The following PARG variants were observed in gnomAD, a reference collection of about 807,000 sequenced individuals.
PARG encodes the protein poly(ADP-ribose) glycohydrolase.
Under a neutral mutation model 113.0 loss-of-function variants are expected in PARG, and 35 were observed. That is an observed-to-expected ratio of 0.31 (90% confidence interval 0.24 to 0.41). The LOEUF is 0.41. PARG is among the 10% of genes least tolerant of loss of function. The probability of loss-of-function intolerance (pLI) is 1.00; values close to 1 mark genes in which losing one functional copy is unlikely to be tolerated. For synonymous variants in PARG, 330 were observed against 409.9 expected (o/e 0.81, Z 2.36); for missense variants, 797 against 1,169.4 (o/e 0.68, Z 4.64).
intron 4 of PARG, among the ~76,000 whole-genome samples, chr10:49,927,755 A>G (rs1432915966): frequency 6.6e-6 from 1 of 152,018 alleles, no homozygotes; most frequent in East Asian, 1.9e-4. Flanking sequence ...GGATCACTTG[A>G]GGCCTGGAGT....
At chr10:49,829,230 C>T (rs1784171161) in intron 16 of PARG, among the ~76,000 whole-genome samples, 2 of 151,420 alleles carry the variant, frequency 1.3e-5, no homozygotes, top group East Asian at 1.9e-4. Context: ...TGCAAGACTC[C>T]GTCTCAAAAT....
Position 49,913,199 on chromosome 10 carries a change from T to C in PARG, c.1737+2718A>G, listed in dbSNP as rs1588980460. Among the ~76,000 whole-genome samples, 4 of 152,330 alleles carry C rather than the reference T, an allele frequency of 2.6e-5. No homozygotes were observed. In the South Asian group the frequency reaches 8.3e-4, roughly 32 times the overall value. On this transcript the variant is annotated intron_variant, in intron 7 of 17. Coordinates refer to ENST00000616448, the MANE Select transcript of PARG (RefSeq NM_003631.5). ...GACTTGCTAAAGTTCTAGAATAATA[T>C]CTGGAGATTTGATGGATAGAAAAAT...
intron 13 of PARG, among the ~76,000 whole-genome samples, chr10:49,844,675 G>A (rs1162933507): frequency 6.7e-6 from 1 of 150,320 alleles, no homozygotes; most frequent in South Asian, 2.1e-4. Context: ...ATGGAGACCT[G>A]GGAGGCGGAG....
At chr10:49,821,214 A>C (rs1844059420) in intron 16 of PARG, among the ~76,000 whole-genome samples, 1 of 152,176 alleles carries the variant, frequency 6.6e-6, no homozygotes, top group Non-Finnish European at 1.5e-5. Context: ...GTTACAAATC[A>C]CTGAGCCTGA....
intron 6 of PARG, among the ~76,000 whole-genome samples, chr10:49,918,377 A>T (rs1440487483): frequency 6.6e-6 from 1 of 152,228 alleles, no homozygotes; most frequent in Non-Finnish European, 1.5e-5. Context: ...AATTAGCATT[A>T]AGCTTTAGCT....
At chr10:49,934,225 A>G (rs1734022094) in intron 2 of PARG, 62 bp from the exon 3 acceptor site, 1 of 718,242 alleles carries the variant, frequency 1.4e-6, no homozygotes, top group African/African-American at 1.8e-5. Flanking sequence ...TTATCCAATC[A>G]TACCCCCAGT....
intron 7 of PARG, among the ~76,000 whole-genome samples, chr10:49,890,489 G>T (rs1847719309): frequency 1.3e-5 from 2 of 152,164 alleles, no homozygotes; most frequent in Non-Finnish European, 2.9e-5. Flanking sequence ...TGTGCCAGAA[G>T]ATGACAGAAG....
chr10:49,913,762 G>A (rs181553111), intron 7 of PARG, among the ~76,000 whole-genome samples: 19 of 152,224 alleles, frequency 1.2e-4, no homozygotes, highest in African/African-American at 4.1e-4. Flanking sequence ...AATTAGCCGG[G>A]CAACGTGGCG....
intron 10 of PARG, among the ~76,000 whole-genome samples, chr10:49,868,936 T>C (rs1846655290): frequency 6.6e-6 from 1 of 152,088 alleles, no homozygotes; most frequent in South Asian, 2.1e-4. Context: ...TACCAGTATT[T>C]GTTGGACATT....
In PARG at chr10:49,819,026, G is replaced by A. The variant is rs541726922; in HGVS notation, c.*314C>T. On this transcript the variant is annotated 3_prime_UTR_variant, in exon 18 of 18. Coordinates refer to ENST00000616448, the MANE Select transcript of PARG (RefSeq NM_003631.5). ...TATATGGGCAGGAAGAAAGAGACCC[G>A]ACAGGCTGAGCACAACCTTCCATGG... is the stretch of plus-strand genomic sequence containing the variant. 8.3e-4 allele frequency: 160 copies of A among 192,118 alleles called. No individual in the cohort carries two copies. The highest frequency in any genetic ancestry group is 4.1e-3 in the South Asian group (29 of 7,134). 11.9% of individuals were successfully genotyped at this position (192,118 alleles called of 1,614,324 possible). A position where few individuals can be genotyped will look rare whatever the true frequency, so the allele number is the denominator to read the frequency against.
intron 15 of PARG, among the ~76,000 whole-genome samples, chr10:49,840,211 GAA>G (rs1845157383): frequency 6.6e-6 from 1 of 151,998 alleles, no homozygotes; most frequent in African/African-American, 2.4e-5. Context: ...GCAATATGGT[GAA>G]ACCCAGTGTA....
At position 49,866,633 on chromosome 10, in the gene PARG, C is replaced by T. The variant is rs543401450; in HGVS notation, c.2069-1252G>A. Among the ~76,000 whole-genome samples the T allele has an allele frequency of 2.9e-4, 44 of 151,674 alleles. No homozygotes were observed. In the East Asian group the frequency reaches 8.3e-3, roughly 29 times the overall value. ...TGTCCTTAATATATACTAAGAGATGCTAAAAGAAATTCATAAACACTGCTG... is the reference window on the plus strand; with the variant it reads ...TGTCCTTAATATATACTAAGAGATGTTAAAAGAAATTCATAAACACTGCTG... On this transcript the variant is annotated intron_variant, in intron 10 of 17. Transcript: ENST00000616448.
At position 49,854,453 on chromosome 10, in the gene PARG, G is replaced by A. The variant is rs186300384; in HGVS notation, c.2353+2853C>T. Among the ~76,000 whole-genome samples the A allele has an allele frequency of 3.9e-3, 589 of 152,338 alleles. 7 individuals carry two copies. The highest frequency in any genetic ancestry group is 0.014 in the African/African-American group (567 of 41,580). On this transcript the variant is annotated intron_variant, in intron 13 of 17. Coordinates refer to ENST00000616448, the MANE Select transcript of PARG (RefSeq NM_003631.5). The stretch of plus-strand genomic sequence containing the variant: ...AATAGGCTAACCAAAAGCTTCAAAG[G>A]AAAAGTTGAAGAATGAGAATGTCCA...
intron 1 of PARG, among the ~76,000 whole-genome samples, chr10:49,940,038 G>A (rs1184317827): frequency 6.6e-6 from 1 of 152,148 alleles, no homozygotes; most frequent in Admixed American, 6.5e-5. Flanking sequence ...TCTGCCCTAG[G>A]TCACCTTTAC....
intron 13 of PARG, among the ~76,000 whole-genome samples, chr10:49,850,230 G>C (rs1357300876): frequency 2.5e-4 from 35 of 139,862 alleles, no homozygotes; most frequent in African/African-American, 9.5e-4. Context: ...TGCATGGTAT[G>C]GTAAAAAGAG....
At chr10:49,845,429 C>T (rs1304354758) in intron 13 of PARG, among the ~76,000 whole-genome samples, 1 of 152,132 alleles carries the variant, frequency 6.6e-6, no homozygotes, top group East Asian at 1.9e-4. Flanking sequence ...AATTGGCCTA[C>T]ACAATTGTGG....
intron 10 of PARG, 64 bp downstream of exon 10, chr10:49,869,412 T>C: frequency 1.5e-6 from 1 of 681,496 alleles, no homozygotes; most frequent in Non-Finnish European, 2.7e-6. Context: ...GTTCCTCACA[T>C]GTCACTTGAC....
intron 7 of PARG, among the ~76,000 whole-genome samples, chr10:49,889,601 G>A (rs1847668287): frequency 6.6e-6 from 1 of 152,160 alleles, no homozygotes; most frequent in African/African-American, 2.4e-5. Context: ...TACATACAAG[G>A]TCCCCTGTTT....
chr10:49,910,058 T>C (rs1456817025), intron 7 of PARG: 1 of 151,930 alleles, frequency 6.6e-6, no homozygotes, highest in Non-Finnish European at 1.5e-5. Flanking sequence ...TATAATAACA[T>C]GATCAACTTA....
Sources: gnomAD v4.1 joint callset for allele counts (sites outside exome capture counted in the v4.1 genomes callset) on GRCh38, gnomAD v4.1.1 for gene constraint, MANE v1.5 for transcripts, NCBI Gene and HGNC (gene_info 2026-07-23, HGNC 2026-07-21) for gene names.